The following CLTC variants were observed in gnomAD, a reference collection of about 807,000 sequenced individuals.
CLTC encodes the protein clathrin heavy chain.
A neutral mutation model predicts 195.8 loss-of-function variants in CLTC; 16 were observed. The observed-to-expected ratio is 0.08, with a 90% confidence interval of 0.06 to 0.12. The LOEUF (loss-of-function observed/expected upper bound fraction) is 0.12. Ranked by LOEUF, CLTC falls within the 10% of genes least tolerant of loss-of-function variation. CLTC has a pLI of 1.00. For synonymous variants in CLTC, 667 were observed against 689.4 expected (o/e 0.97, Z 0.51); for missense variants, 796 against 2,027.0 (o/e 0.39, Z 11.66).
At chr17:59,687,541 T>C (rs559934690) in intron 30 of CLTC, among the ~76,000 whole-genome samples, 1 of 152,056 alleles carries the variant, frequency 6.6e-6, no homozygotes, top group Non-Finnish European at 1.5e-5. Flanking sequence ...CTCTTGATTC[T>C]TACTAATTTT....
chr17:59,647,761 A>G, intron 3 of CLTC, 95 bp downstream of exon 3: 1 of 1,077,296 alleles, frequency 9.3e-7, no homozygotes, highest in Non-Finnish European at 1.4e-6. Context: ...TTCTATACTC[A>G]ATCCTGTTGA....
At chr17:59,676,810 G>T in intron 16 of CLTC, 144 bp from the exon 17 acceptor site, 1 of 652,396 alleles carries the variant, frequency 1.5e-6, no homozygotes, top group Non-Finnish European at 2.6e-6. Flanking sequence ...CTTCAGCCTG[G>T]ACAATGTAGC....
chr17:59,653,075 C>T (rs1182914002), intron 5 of CLTC, among the ~76,000 whole-genome samples: 2 of 152,140 alleles, frequency 1.3e-5, no homozygotes, highest in African/African-American at 4.8e-5. Flanking sequence ...CCTCTCTGAG[C>T]CTTCACAGAA....
chr17:59,627,675 A>G (rs2031593117), intron 1 of CLTC, among the ~76,000 whole-genome samples: 1 of 152,150 alleles, frequency 6.6e-6, no homozygotes, highest in Non-Finnish European at 1.5e-5. Context: ...ATGATTATTT[A>G]GCTGTATCTT....
At chr17:59,684,846 A>G (rs2033149086) in intron 28 of CLTC, among the ~76,000 whole-genome samples, 2 of 151,898 alleles carry the variant, frequency 1.3e-5, no homozygotes. Context: ...AATTAGAAAT[A>G]TTGTCCATTT....
chr17:59,688,305 AC>A (rs1383905691), intron 30 of CLTC, among the ~76,000 whole-genome samples: 2 of 152,154 alleles, frequency 1.3e-5, no homozygotes, highest in Non-Finnish European at 2.9e-5. Flanking sequence ...ATGCACACAT[AC>A]ACCAAAATAA....
Position 59,677,174 on chromosome 17 carries a change from C to G in CLTC, c.2782C>G (p.Leu928Val). 1.9e-6 allele frequency: 3 copies of G among 1,613,064 alleles called. No homozygotes were observed. The highest frequency in any genetic ancestry group is 2.5e-6 in the Non-Finnish European group (3 of 1,179,134). ...TGCTTATGAACGTGGCCAATGTGAT[C>G]TGGAACTTATTAATGTGAGTACTGC... ...CVAYERGQCD[L>V]ELINVCNENS... Residue 928 changes from leucine to valine, a missense_variant, in exon 17 of 32, where the codon CTG (leucine) becomes GTG (valine). Coordinates refer to ENST00000269122, the MANE Select transcript of CLTC (RefSeq NM_004859.4).
chr17:59,647,266 T>C (rs2032220451), intron 2 of CLTC, 132 bp from the exon 3 acceptor site: 3 of 681,882 alleles, frequency 4.4e-6, no homozygotes, highest in Non-Finnish European at 7.3e-6. Context: ...TCTTTAATGG[T>C]TGCTGCTGTA....
At position 59,694,056 on chromosome 17, in the gene CLTC, C is replaced by T. The variant is rs1214018841; in HGVS notation, c.*204C>T. 1.6e-5 allele frequency: 7 copies of T among 434,108 alleles called. No individual in the cohort carries two copies. The highest frequency in any genetic ancestry group is 4.6e-5 in the Admixed American group (1 of 21,864). 26.9% of individuals were successfully genotyped at this position (434,108 alleles called of 1,614,324 possible). A position where few individuals can be genotyped will look rare whatever the true frequency, so the allele number is the denominator to read the frequency against. ...TCCACATCATTTTAGAATTTATTTTCGAAGGGGAATAGTTTCAATGTTTTA... is the reference window on the plus strand; with the variant it reads ...TCCACATCATTTTAGAATTTATTTTTGAAGGGGAATAGTTTCAATGTTTTA... On this transcript the variant is annotated 3_prime_UTR_variant, in exon 32 of 32. Transcript: ENST00000269122.
At chr17:59,680,789 T>G (rs1344810328) in intron 18 of CLTC, 123 bp from the exon 19 acceptor site, 1 of 678,300 alleles carries the variant, frequency 1.5e-6, no homozygotes, top group African/African-American at 1.8e-5. Flanking sequence ...CTATGTAAAT[T>G]TAAAGGTCTT....
intron 10 of CLTC, among the ~76,000 whole-genome samples, chr17:59,665,226 G>GA (rs58116801): frequency 1.1e-4 from 16 of 145,214 alleles, no homozygotes; most frequent in South Asian, 2.2e-4. Flanking sequence ...CTCTCAAAAA[G>GA]AAAAAAAAAA....
chr17:59,665,853 TAAATA>T (rs1343354340), intron 10 of CLTC, among the ~76,000 whole-genome samples: 1 of 151,952 alleles, frequency 6.6e-6, no homozygotes, highest in Non-Finnish European at 1.5e-5. Flanking sequence ...AAAAATAAAA[TAAATA>T]AATAAAATAA....
At chr17:59,664,044 A>G in intron 9 of CLTC, 50 bp downstream of exon 9, 1 of 1,501,632 alleles carries the variant, frequency 6.7e-7, no homozygotes, top group Non-Finnish European at 9.2e-7. Context: ...AAGCATTGAC[A>G]GAGAAATTAG....
Position 59,690,643 on chromosome 17 carries a change from A to C in CLTC, c.4835A>C (p.Lys1612Thr), listed in dbSNP as rs2033275011. ...TGATGTGTTTTTCTCCAGGTGGATAAATTAGATGCTTCAGAATCACTGAGA... is the reference window on the plus strand; with the variant it reads ...TGATGTGTTTTTCTCCAGGTGGATACATTAGATGCTTCAGAATCACTGAGA... ...VMKEYLTKVD[K>T]LDASESLRKE... Residue 1612 changes from lysine (K) to threonine (T), a missense_variant, in exon 31 of 32, where the codon AAA becomes ACA. By Grantham distance (78) the Lys-to-Thr change is moderately conservative. Transcript: ENST00000269122. The C allele has an allele frequency of 6.2e-7, 1 of 1,611,816 alleles. No homozygotes were observed. The highest frequency in any genetic ancestry group is 1.3e-5 in the African/African-American group (1 of 74,844).
intron 13 of CLTC, among the ~76,000 whole-genome samples, chr17:59,667,809 A>G (rs2032764415): frequency 1.3e-5 from 2 of 152,234 alleles, no homozygotes. Flanking sequence ...ACTGCTATAC[A>G]GGGTACTAAC....
intron 1 of CLTC, among the ~76,000 whole-genome samples, chr17:59,621,018 T>C (rs1437246653): frequency 6.6e-6 from 1 of 152,198 alleles, no homozygotes; most frequent in African/African-American, 2.4e-5. Flanking sequence ...TTCTTCAGGA[T>C]CGCATGGAAT....
In CLTC at chr17:59,663,919, T is replaced by C; in HGVS notation, c.1446T>C (p.Ala482=). ...PTLALSVYLR[A]NVPNKVIQCF... ...TGGCACTTAGTGTGTACCTAAGGGC[T>C]AACGTCCCAAATAAAGTCATTCAGT... Residue 482 remains alanine (A), a synonymous_variant, in exon 9 of 32, where the codon GCT becomes GCC. Transcript: ENST00000269122. 1 of 1,613,892 alleles carries C rather than the reference T, an allele frequency of 6.2e-7. No homozygotes were observed. Among genetic ancestry groups the C allele is most frequent in the South Asian group, 1.1e-5 (1 of 91,078 alleles).
In CLTC at chr17:59,685,843, T is replaced by G. The variant is rs1412613321; in HGVS notation, c.4827+35T>G. ...CTTCTAAGTGTATTCAGAACTAGTT[T>G]CCTTGCATGTAAAATTCTACATGCA... On this transcript the variant is annotated intron_variant, in intron 30 of 31. Coordinates refer to ENST00000269122, the MANE Select transcript of CLTC (RefSeq NM_004859.4). This position sits in a 1 kb window ranked among gnomAD's most constrained non-coding sequence, Gnocchi z 5.0. 3 of 1,454,560 alleles carry G rather than the reference T, an allele frequency of 2.1e-6. No individual in the cohort carries two copies. In the East Asian group the frequency reaches 7.2e-5, roughly 35 times the overall value. 90.1% of individuals were successfully genotyped at this position (1,454,560 alleles called of 1,614,324 possible).
In CLTC at chr17:59,682,496, A is replaced by G. The variant is rs1400880679; in HGVS notation, c.3600+68A>G. Reference sequence around the variant, plus strand: ...TTGATTAGCTTGGTAGGATCAAAACATCATAACTGAAGAATTCCAAGGAAA... The same window carrying G: ...TTGATTAGCTTGGTAGGATCAAAACGTCATAACTGAAGAATTCCAAGGAAA... On this transcript the variant is annotated intron_variant, in intron 22 of 31. Transcript: ENST00000269122. The surrounding 1 kb of genome is among the most constrained non-coding windows in gnomAD (Gnocchi z 6.8). The G allele has an allele frequency of 2.5e-6, 4 of 1,591,986 alleles. No homozygotes were observed. The African/African-American group carries it at 5.4e-5, about 22-fold the overall frequency.
Sources: gnomAD v4.1 joint callset for allele counts (sites outside exome capture counted in the v4.1 genomes callset) on GRCh38, gnomAD v4.1.1 for gene constraint, Gnocchi (gnomAD v3.1) non-coding constraint, MANE v1.5 for transcripts, NCBI Gene and HGNC (gene_info 2026-07-23, HGNC 2026-07-21) for gene names.